GALNT13: variants seen among roughly 807,000 people sequenced by gnomAD.
The protein encoded by GALNT13 is polypeptide N-acetylgalactosaminyltransferase 13.
Under a neutral mutation model 64.2 loss-of-function variants are expected in GALNT13, and 28 were observed. The ratio of observed to expected loss-of-function variants is 0.44; its 90% CI spans 0.32 to 0.60. The LOEUF (loss-of-function observed/expected upper bound fraction) is 0.60. Ranked by LOEUF, GALNT13 falls within the 20% of genes least tolerant of loss-of-function variation. The pLI, the probability that GALNT13 is intolerant of heterozygous loss-of-function variation, is 0.05. For missense variants in GALNT13, 577 were observed against 669.8 expected, an observed-to-expected ratio of 0.86 and a Z score of 1.53; for synonymous variants, 214 against 224.6, an observed-to-expected ratio of 0.95 and a Z score of 0.42.
chr2:154,071,404 C>T (rs953155739), intron 3 of GALNT13, among the ~76,000 whole-genome samples: 29 of 152,172 alleles, frequency 1.9e-4, no homozygotes, highest in African/African-American at 6.8e-4. Flanking sequence ...TATAGGGTCA[C>T]ATGACCTTAA....
chr2:154,015,489 A>T (rs1021297337), intron 3 of GALNT13, among the ~76,000 whole-genome samples: 3 of 152,148 alleles, frequency 2.0e-5, no homozygotes, highest in Non-Finnish European at 4.4e-5. Context: ...GACGTCACTG[A>T]TTCCTAGTTC....
chr2:153,654,649 G>A, the GALNT13 span, among the ~76,000 whole-genome samples: 574 of 151,912 alleles, frequency 3.8e-3, 3 homozygotes, highest in Middle Eastern at 0.037. Flanking sequence ...TAACAATACA[G>A]CAATTAAAAT....
At chr2:153,150,954 G>A in the GALNT13 span, among the ~76,000 whole-genome samples, 300 of 152,050 alleles carry the variant, frequency 2.0e-3, 2 homozygotes, top group African/African-American at 6.8e-3. Context: ...TTGGCAATGC[G>A]GGCTCTTTTT....
At chr2:153,905,919 C>A (rs777040228) in intron 2 of GALNT13, among the ~76,000 whole-genome samples, 10 of 151,778 alleles carry the variant, frequency 6.6e-5, no homozygotes, top group Non-Finnish European at 1.3e-4. Context: ...TACTAAGTGG[C>A]TATTGGGTGG....
chr2:153,068,551 T>A, the GALNT13 span, among the ~76,000 whole-genome samples: 1 of 152,216 alleles, frequency 6.6e-6, no homozygotes, highest in Non-Finnish European at 1.5e-5. Flanking sequence ...GCTCTTACTT[T>A]TGCTTTAGAA....
the GALNT13 span, among the ~76,000 whole-genome samples, chr2:153,317,530 G>A: frequency 6.6e-6 from 1 of 151,790 alleles, no homozygotes; most frequent in African/African-American, 2.4e-5. Flanking sequence ...ATTCTGAATT[G>A]ATCTTCAATA....
intron 2 of GALNT13, among the ~76,000 whole-genome samples, chr2:153,907,554 C>T (rs1022860188): frequency 6.6e-6 from 1 of 151,848 alleles, no homozygotes; most frequent in South Asian, 2.1e-4. Flanking sequence ...CTACCTCCTG[C>T]CACCCTCTAT....
the GALNT13 span, among the ~76,000 whole-genome samples, chr2:153,141,007 A>G: frequency 6.6e-6 from 1 of 151,062 alleles, no homozygotes; most frequent in Non-Finnish European, 1.5e-5. Flanking sequence ...ACTCATAAGC[A>G]GTTGCTGTCC....
the GALNT13 span, among the ~76,000 whole-genome samples, chr2:153,572,932 AT>A: frequency 6.6e-6 from 1 of 151,818 alleles, no homozygotes; most frequent in Admixed American, 6.6e-5. Context: ...TGGATAAAAT[AT>A]TCTGTAAATA....
the GALNT13 span, among the ~76,000 whole-genome samples, chr2:153,268,510 G>A: frequency 6.6e-6 from 1 of 152,170 alleles, no homozygotes; most frequent in South Asian, 2.1e-4. Flanking sequence ...GCCTTTCCAG[G>A]CACATGATGC....
the GALNT13 span, among the ~76,000 whole-genome samples, chr2:153,587,465 A>G: frequency 2.0e-5 from 3 of 152,158 alleles, no homozygotes; most frequent in Non-Finnish European, 4.4e-5. Flanking sequence ...CCTCACAATC[A>G]TGGCAGAAGG....
upstream of GALNT13, among the ~76,000 whole-genome samples, chr2:153,869,587 G>A (rs144657079): frequency 5.1e-3 from 779 of 152,150 alleles, 5 homozygotes; most frequent in African/African-American, 0.018. Context: ...GTACTTCTCA[G>A]TGCATCATAT....
intron 2 of GALNT13, among the ~76,000 whole-genome samples, chr2:153,934,344 T>G (rs1690747386): frequency 6.6e-6 from 1 of 152,172 alleles, no homozygotes; most frequent in Non-Finnish European, 1.5e-5. Context: ...ATGTGAAAAT[T>G]TACACAGACA....
chr2:153,282,895 G>T, the GALNT13 span, among the ~76,000 whole-genome samples: 2 of 152,080 alleles, frequency 1.3e-5, no homozygotes, highest in Non-Finnish European at 2.9e-5. Flanking sequence ...GACTATAGAG[G>T]ATGTTGGGCA....
At chr2:153,712,649 G>A in the GALNT13 span, among the ~76,000 whole-genome samples, 1 of 152,106 alleles carries the variant, frequency 6.6e-6, no homozygotes, top group African/African-American at 2.4e-5. Flanking sequence ...AGAAAAAAAG[G>A]TCTGCTACTC....
chr2:153,810,830 C>T, the GALNT13 span, among the ~76,000 whole-genome samples: 1 of 152,134 alleles, frequency 6.6e-6, no homozygotes, highest in Admixed American at 6.5e-5. Flanking sequence ...GTCCAGGACA[C>T]CTATTTGTCA....
chr2:154,454,993 G>A (rs1011268622), downstream of GALNT13, among the ~76,000 whole-genome samples: 16 of 152,140 alleles, frequency 1.1e-4, no homozygotes, highest in Non-Finnish European at 1.2e-4. Flanking sequence ...AAAGACTGCA[G>A]GGAAATCAGC....
At chr2:154,433,377 A>G (rs999321269) in intron 11 of GALNT13, among the ~76,000 whole-genome samples, 2 of 152,184 alleles carry the variant, frequency 1.3e-5, no homozygotes, top group Non-Finnish European at 2.9e-5. Context: ...GAAAATCCAA[A>G]TGGTCTCAGG....
chr2:153,186,344 T>C, the GALNT13 span, among the ~76,000 whole-genome samples: 1 of 152,172 alleles, frequency 6.6e-6, no homozygotes. Context: ...AGCTTATTTG[T>C]GTCTTTACCC....
Sources: allele counts gnomAD v4.1 joint callset (sites outside exome capture counted in the v4.1 genomes callset), GRCh38; gene constraint gnomAD v4.1.1; transcripts MANE v1.5; gene names NCBI Gene and HGNC (gene_info 2026-07-23, HGNC 2026-07-21).